The following PRKAR2A variants were observed in gnomAD, a reference collection of about 807,000 sequenced individuals.
PRKAR2A encodes protein kinase cAMP-dependent type II regulatory subunit alpha.
In PRKAR2A, 29 loss-of-function variants were observed where a neutral mutation model predicts 51.9. The observed-to-expected ratio is 0.56, with a 90% confidence interval of 0.42 to 0.76. The LOEUF (loss-of-function observed/expected upper bound fraction) is 0.76, where lower values mean the gene tolerates loss of function less well. Ranked by LOEUF, PRKAR2A falls within the 30% of genes least tolerant of loss-of-function variation. PRKAR2A has a pLI of 0.00. For missense variants in PRKAR2A, 445 were observed against 512.1 expected (o/e 0.87, Z 1.26); for synonymous variants, 178 against 186.2 (o/e 0.96, Z 0.36).
chr3:48,812,692 C>T lies in PRKAR2A; in HGVS notation c.263-5008G>A, dbSNP rs540772886. ...AGAGACGGGGTTTCACCGTGTTAGC[C>T]AGGATGGTCTCAATCTCCTGACCTT... On this transcript the variant is annotated intron_variant, in intron 1 of 10. Coordinates refer to ENST00000265563, the MANE Select transcript of PRKAR2A (RefSeq NM_004157.4). Among the ~76,000 whole-genome samples, 487 of 152,202 alleles carry T rather than the reference C, an allele frequency of 3.2e-3. 2 individuals are homozygous for T. The highest frequency in any genetic ancestry group is 0.011 in the African/African-American group (461 of 41,530).
At chr3:48,755,815 G>T (rs2081753178) in intron 9 of PRKAR2A, among the ~76,000 whole-genome samples, 1 of 137,874 alleles carries the variant, frequency 7.3e-6, no homozygotes, top group Admixed American at 7.8e-5. Flanking sequence ...GTCTCGCTCT[G>T]TCGCCCAGGC....
chr3:48,792,132 A>T (rs1032824621), intron 3 of PRKAR2A, among the ~76,000 whole-genome samples: 5 of 151,898 alleles, frequency 3.3e-5, no homozygotes, highest in Non-Finnish European at 7.4e-5. Context: ...GTAACATAAT[A>T]GATCACTAAA....
intron 6 of PRKAR2A, among the ~76,000 whole-genome samples, chr3:48,766,701 G>C (rs2081947996): frequency 6.6e-6 from 1 of 152,196 alleles, no homozygotes; most frequent in South Asian, 2.1e-4. Context: ...ACAGTAGGCA[G>C]GAGTGATCAA....
chr3:48,787,746 C>G (rs977988378), intron 4 of PRKAR2A, among the ~76,000 whole-genome samples: 2 of 152,196 alleles, frequency 1.3e-5, no homozygotes, highest in African/African-American at 4.8e-5. Flanking sequence ...CTAACAAGCT[C>G]TGAGTAAAGC....
At chr3:48,828,852 G>C (rs1288410993) in intron 1 of PRKAR2A, among the ~76,000 whole-genome samples, 1 of 147,390 alleles carries the variant, frequency 6.8e-6, no homozygotes, top group Non-Finnish European at 1.5e-5. Context: ...TTGTTTGTTT[G>C]AGACAGAGCC....
At chr3:48,805,411 G>C (rs566125996) in intron 2 of PRKAR2A, among the ~76,000 whole-genome samples, 3 of 152,346 alleles carry the variant, frequency 2.0e-5, no homozygotes, top group Admixed American at 2.0e-4. Context: ...TGCACTGAGA[G>C]AACAGGGTGA....
At chr3:48,827,621 A>G (rs2083090546) in intron 1 of PRKAR2A, among the ~76,000 whole-genome samples, 1 of 152,166 alleles carries the variant, frequency 6.6e-6, no homozygotes, top group African/African-American at 2.4e-5. Context: ...TAAACATAGA[A>G]AACGTATGGT....
intron 1 of PRKAR2A, among the ~76,000 whole-genome samples, chr3:48,831,318 T>C (rs938871097): frequency 2.6e-5 from 4 of 152,058 alleles, no homozygotes; most frequent in East Asian, 3.8e-4. Context: ...CTGTATAACA[T>C]TGCAAACTGA....
Position 48,765,289 on chromosome 3 carries a change from C to G in PRKAR2A, c.757G>C (p.Glu253Gln). ...KNNAKKRKMF[E>Q]SFIESVPLLK... Reference sequence around the variant, plus strand: ...AGGGGCACAGACTCAATAAATGATTCAAACATCTTCCTCTTCTTTGCATTA... The same window carrying G: ...AGGGGCACAGACTCAATAAATGATTGAAACATCTTCCTCTTCTTTGCATTA... The change falls in exon 7 of 11, where the codon GAA becomes CAA. Residue 253 changes from glutamate (E) to glutamine (Q), a missense_variant. Transcript: ENST00000265563. 4 of 1,612,898 alleles carry G rather than the reference C, an allele frequency of 2.5e-6. No homozygotes were observed. The highest frequency in any genetic ancestry group is 1.1e-5 in the South Asian group (1 of 90,772).
At chr3:48,754,660 G>C (rs1165321077) in intron 9 of PRKAR2A, among the ~76,000 whole-genome samples, 1 of 151,768 alleles carries the variant, frequency 6.6e-6, no homozygotes, top group Non-Finnish European at 1.5e-5. Flanking sequence ...TATAGTCCCA[G>C]CTACTTGCGA....
At position 48,793,984 on chromosome 3, in the gene PRKAR2A, C is replaced by T. The variant is rs1024780432; in HGVS notation, c.351+13G>A. 28 of 1,581,480 alleles carry T rather than the reference C, an allele frequency of 1.8e-5. No individual in the cohort carries two copies. The highest frequency in any genetic ancestry group is 2.3e-5 in the Non-Finnish European group (27 of 1,150,822). ...AGAACAATTCTACCTAACATCTTTG[C>T]TTTGGGTCTTACCCTTGGATCTGTA... On this transcript the variant is annotated intron_variant, in intron 3 of 10. Transcript: ENST00000265563.
At chr3:48,810,413 C>T (rs2082752731) in intron 1 of PRKAR2A, among the ~76,000 whole-genome samples, 1 of 152,108 alleles carries the variant, frequency 6.6e-6, no homozygotes. Flanking sequence ...TTCCTGTGTA[C>T]TTTAAATCAT....
At chr3:48,770,204 T>G (rs1003832142) in intron 6 of PRKAR2A, among the ~76,000 whole-genome samples, 1 of 152,068 alleles carries the variant, frequency 6.6e-6, no homozygotes, top group South Asian at 2.1e-4. Context: ...TTGATGAGCA[T>G]CCAATCGAGC....
rs2081919734 is a variant in PRKAR2A at position 48,765,051 on chromosome 3, C to A, written c.826G>T (p.Val276Leu). 6.2e-7 allele frequency: 1 copy of A among 1,614,182 alleles called. No individual in the cohort carries two copies. The highest frequency in any genetic ancestry group is 8.5e-7 in the Non-Finnish European group (1 of 1,179,992). Residue 276 changes from valine to leucine, a missense_variant, in exon 8 of 11, where the codon GTA becomes TTA. Val to Leu is a conservative substitution (Grantham distance 32). Transcript: ENST00000265563. ...EVSERMKIVDVIGEKIYKDGE... is the reference protein window; with the variant it reads ...EVSERMKIVDLIGEKIYKDGE... ...TCCTTATAGATCTTCTCTCCTATTACATCCACAATCTTCATTCGTTCTGAC... is the reference window on the plus strand; with the variant it reads ...TCCTTATAGATCTTCTCTCCTATTAAATCCACAATCTTCATTCGTTCTGAC...
intron 1 of PRKAR2A, among the ~76,000 whole-genome samples, chr3:48,841,543 CAAAAAAAAAAA>C (rs397874491): frequency 3.7e-4 from 22 of 59,538 alleles, no homozygotes; most frequent in Admixed American, 1.8e-3. Context: ...GACTCTGTCT[CAAAAAAAAAAA>C]AAAAAAAAAA....
At chr3:48,752,425 G>C in intron 9 of PRKAR2A, 108 bp from the exon 10 acceptor site, 1 of 1,204,018 alleles carries the variant, frequency 8.3e-7, no homozygotes. Flanking sequence ...AATTACTGAG[G>C]AATTCACTTT....
At chr3:48,799,915 A>G (rs1296911101) in intron 2 of PRKAR2A, among the ~76,000 whole-genome samples, 1 of 152,124 alleles carries the variant, frequency 6.6e-6, no homozygotes, top group Non-Finnish European at 1.5e-5. Context: ...GCTGCAGTGC[A>G]ATGGCACAGT....
intron 2 of PRKAR2A, among the ~76,000 whole-genome samples, chr3:48,805,289 G>C (rs898805520): frequency 6.6e-6 from 1 of 152,186 alleles, no homozygotes; most frequent in Admixed American, 6.6e-5. Context: ...AATCAATAGA[G>C]ACATTCACCC....
At chr3:48,807,818 C>T (rs9311430) in intron 1 of PRKAR2A, 134 bp from the exon 2 acceptor site, 458,949 of 660,172 alleles carry the variant, frequency 0.7, 163,191 homozygotes, top group East Asian at 0.96. Context: ...CATAGTCTTC[C>T]ACACTCAATC....
Sources: gnomAD v4.1 joint callset for allele counts (sites outside exome capture counted in the v4.1 genomes callset) on GRCh38, gnomAD v4.1.1 for gene constraint, MANE v1.5 for transcripts, NCBI Gene and HGNC (gene_info 2026-07-23, HGNC 2026-07-21) for gene names.